The following RBFOX1 variants were observed in gnomAD, a reference collection of about 807,000 sequenced individuals.
The protein encoded by RBFOX1 is RNA binding fox-1 homolog 1.
Under a neutral mutation model 57.7 loss-of-function variants are expected in RBFOX1, and 8 were observed. The observed-to-expected ratio is 0.14, with a 90% CI of 0.08 to 0.25. The LOEUF (loss-of-function observed/expected upper bound fraction) is 0.25. Ranked by LOEUF, RBFOX1 falls within the 10% of genes least tolerant of loss-of-function variation. RBFOX1 has a pLI of 1.00. For synonymous variants in RBFOX1, 326 were observed against 222.4 expected, an observed-to-expected ratio of 1.47 and a Z score of -4.15; for missense variants, 611 against 548.5, an observed-to-expected ratio of 1.11 and a Z score of -1.14.
chr16:6,768,619 G>C (rs558682186), intron 3 of RBFOX1, among the ~76,000 whole-genome samples: 8 of 151,068 alleles, frequency 5.3e-5, no homozygotes, highest in Middle Eastern at 3.4e-3. Context: ...ATATGATTTG[G>C]TTTAAATATC....
intron 3 of RBFOX1, among the ~76,000 whole-genome samples, chr16:6,787,259 G>A (rs550365957): frequency 2.0e-5 from 3 of 152,130 alleles, no homozygotes; most frequent in East Asian, 1.9e-4. Context: ...CTAACTGATC[G>A]GCCCGTTCTA....
chr16:7,023,108 G>C (rs929773725), intron 3 of RBFOX1, among the ~76,000 whole-genome samples: 1 of 152,180 alleles, frequency 6.6e-6, no homozygotes, highest in Non-Finnish European at 1.5e-5. Flanking sequence ...CACTGAGGTA[G>C]GAGAGAGCTG....
chr16:7,632,716 T>C (rs1596948656), intron 11 of RBFOX1, among the ~76,000 whole-genome samples: 1 of 152,202 alleles, frequency 6.6e-6, no homozygotes, highest in South Asian at 2.1e-4. Flanking sequence ...TGCGGTCCTA[T>C]AGAAGTGTCT....
intron 1 of RBFOX1, among the ~76,000 whole-genome samples, chr16:6,189,020 A>T (rs1301713251): frequency 2.6e-5 from 4 of 152,206 alleles, no homozygotes; most frequent in African/African-American, 9.6e-5. Flanking sequence ...TTATTTATCT[A>T]ACCCTCTATG....
intron 4 of RBFOX1, among the ~76,000 whole-genome samples, chr16:5,905,866 G>T (rs995462522): frequency 1.1e-4 from 16 of 152,214 alleles, no homozygotes; most frequent in South Asian, 1.0e-3. Context: ...TCCTCCGGAA[G>T]CCTTCCTAAT....
At chr16:6,405,541 A>T (rs1278642358) in intron 2 of RBFOX1, among the ~76,000 whole-genome samples, 3 of 152,204 alleles carry the variant, frequency 2.0e-5, no homozygotes, top group Non-Finnish European at 4.4e-5. Flanking sequence ...ATCCATGCTT[A>T]GGCCTGCAAG....
intron 4 of RBFOX1, among the ~76,000 whole-genome samples, chr16:5,957,125 C>T (rs1188222079): frequency 6.6e-6 from 1 of 152,194 alleles, no homozygotes; most frequent in East Asian, 1.9e-4. Flanking sequence ...TGTTTACCAG[C>T]ACACTGTTGG....
chr16:5,595,509 C>T (rs2047152034), intron 2 of RBFOX1, among the ~76,000 whole-genome samples: 1 of 152,170 alleles, frequency 6.6e-6, no homozygotes, highest in South Asian at 2.1e-4. Context: ...ACCAGAGTGA[C>T]AGCTGGTTCG....
At chr16:6,307,699 TTTATG>T (rs2152755225) in intron 1 of RBFOX1, among the ~76,000 whole-genome samples, 1 of 147,334 alleles carries the variant, frequency 6.8e-6, no homozygotes, top group East Asian at 2.0e-4. Context: ...ATGATAATCA[TTTATG>T]TTATTTATAT....
intron 4 of RBFOX1, among the ~76,000 whole-genome samples, chr16:7,086,449 GC>G (rs1296855933): frequency 6.6e-6 from 1 of 151,930 alleles, no homozygotes; most frequent in African/African-American, 2.4e-5. Context: ...AATATGCTGG[GC>G]AAATTGCATT....
intron 3 of RBFOX1, among the ~76,000 whole-genome samples, chr16:6,784,712 G>A (rs2081624593): frequency 6.6e-6 from 1 of 151,594 alleles, no homozygotes; most frequent in Middle Eastern, 3.2e-3. Flanking sequence ...TTTTTATAAA[G>A]GTGCTTTATT....
intron 3 of RBFOX1, among the ~76,000 whole-genome samples, chr16:6,664,251 C>T (rs771679886): frequency 1.2e-4 from 18 of 152,176 alleles, no homozygotes; most frequent in Non-Finnish European, 1.3e-4. Flanking sequence ...CTGCATTTTA[C>T]ATCCTATGCA....
intron 4 of RBFOX1, among the ~76,000 whole-genome samples, chr16:7,074,852 A>G (rs1464041775): frequency 6.6e-6 from 1 of 152,186 alleles, no homozygotes; most frequent in Non-Finnish European, 1.5e-5. Context: ...CTATTGCGCA[A>G]CATATCTCTG....
intron 2 of RBFOX1, among the ~76,000 whole-genome samples, chr16:6,615,443 G>A (rs888902379): frequency 1.3e-5 from 2 of 152,056 alleles, no homozygotes; most frequent in Non-Finnish European, 2.9e-5. Flanking sequence ...GCTGGTGGGT[G>A]CCTGTAATCC....
At chr16:6,648,523 A>G (rs1568036231) in intron 2 of RBFOX1, among the ~76,000 whole-genome samples, 2 of 152,142 alleles carry the variant, frequency 1.3e-5, no homozygotes, top group African/African-American at 4.8e-5. Context: ...TAATGCCAGG[A>G]GTCTAATGCC....
intron 1 of RBFOX1, among the ~76,000 whole-genome samples, chr16:5,425,581 T>G (rs2151498651): frequency 6.6e-6 from 1 of 152,318 alleles, no homozygotes; most frequent in South Asian, 2.1e-4. Context: ...CCTCCTTTCT[T>G]GTGGATTCCC....
At chr16:5,736,815 C>G (rs879576420) in intron 3 of RBFOX1, among the ~76,000 whole-genome samples, 1 of 151,298 alleles carries the variant, frequency 6.6e-6, no homozygotes, top group African/African-American at 2.4e-5. Context: ...GTCTCTTTTT[C>G]ATTCTTTTTT....
At position 6,097,235 on chromosome 16, in the gene RBFOX1, A is replaced by T. The variant is rs930505772; in HGVS notation, c.-127+77243A>T. On this transcript the variant is annotated intron_variant, in intron 1 of 15. Coordinates refer to ENST00000550418, the MANE Select transcript of RBFOX1 (RefSeq NM_018723.4). This position sits in a 1 kb window ranked among gnomAD's most constrained non-coding sequence, Gnocchi z 5.0. ...CGTAGCCATGTGGAACTGTGAGTCC[A>T]TTAAACTTCTTTTTGTTTATAAATT... Among the ~76,000 whole-genome samples, 1 of 152,192 alleles carries T rather than the reference A, an allele frequency of 6.6e-6. No individual in the cohort carries two copies. The highest frequency in any genetic ancestry group is 2.4e-5 in the African/African-American group (1 of 41,454).
chr16:6,320,474 C>T (rs1247784064), intron 2 of RBFOX1, among the ~76,000 whole-genome samples: 1 of 151,890 alleles, frequency 6.6e-6, no homozygotes. Flanking sequence ...ACCACCTGTA[C>T]CCCTAAAAGT....
Sources: allele counts gnomAD v4.1 joint callset (sites outside exome capture counted in the v4.1 genomes callset), GRCh38; gene constraint gnomAD v4.1.1; non-coding constraint Gnocchi (gnomAD v3.1); transcripts MANE v1.5; gene names NCBI Gene and HGNC (gene_info 2026-07-23, HGNC 2026-07-21).